Variants in CA13 observed in about 807,000 individuals in gnomAD.
CA13 encodes the protein CA-XIII.
CA13 carries 21 observed loss-of-function variants against 31.5 expected under a neutral mutation model. The observed-to-expected ratio is 0.67, with a 90% CI of 0.47 to 0.96. The LOEUF (loss-of-function observed/expected upper bound fraction) is 0.96, where lower values mean the gene tolerates loss of function less well. CA13 is among the 40% of genes least tolerant of loss of function. CA13 has a pLI of 0.00. For synonymous variants in CA13, 117 were observed against 111.4 expected (o/e 1.05, Z -0.32); for missense variants, 315 against 318.9 (o/e 0.99, Z 0.09).
chr8:85,276,965 A>G (rs1173459681), intron 6 of CA13, among the ~76,000 whole-genome samples: 2 of 152,200 alleles, frequency 1.3e-5, no homozygotes, highest in Non-Finnish European at 2.9e-5. Flanking sequence ...GACACTCTGT[A>G]TCTAGCTAAT....
At chr8:85,277,933 C>G (rs1162638997) in intron 6 of CA13, among the ~76,000 whole-genome samples, 1 of 152,074 alleles carries the variant, frequency 6.6e-6, no homozygotes, top group Non-Finnish European at 1.5e-5. Flanking sequence ...TGGCCTTGCA[C>G]CTTGGGACTG....
intron 6 of CA13, among the ~76,000 whole-genome samples, chr8:85,276,723 A>G (rs944887321): frequency 7.2e-5 from 11 of 151,780 alleles, no homozygotes; most frequent in Non-Finnish European, 1.5e-4. Context: ...AGCACTCTGT[A>G]TCTAGCTCAA....
At chr8:85,279,521 A>C (rs1404223934) in intron 6 of CA13, among the ~76,000 whole-genome samples, 1 of 152,240 alleles carries the variant, frequency 6.6e-6, no homozygotes. Flanking sequence ...TGGTCGGAGA[A>C]AGAGCTGAAG....
At position 85,283,757 on chromosome 8, in the gene CA13, T is replaced by C. The variant is rs1807741188; in HGVS notation, c.*2408T>C. ...TCTAATTACTGTCTGTGAGAGTTACTACTTTGTAACTTATGGTTTCTGCTT... is the reference window on the plus strand; with the variant it reads ...TCTAATTACTGTCTGTGAGAGTTACCACTTTGTAACTTATGGTTTCTGCTT... On this transcript the variant is annotated 3_prime_UTR_variant, in exon 7 of 7. Transcript: ENST00000321764. The C allele has an allele frequency of 1.3e-5, 2 of 152,636 alleles. No homozygotes were observed. Among genetic ancestry groups the C allele is most frequent in the Non-Finnish European group, 2.9e-5 (2 of 68,026 alleles). The allele number at this position is 152,636 out of a possible 1,614,324, so 9.5% of individuals were successfully genotyped here.
intron 6 of CA13, among the ~76,000 whole-genome samples, chr8:85,271,495 A>G (rs1315343041): frequency 6.6e-6 from 1 of 152,190 alleles, no homozygotes; most frequent in Non-Finnish European, 1.5e-5. Context: ...GTGAGCAGAT[A>G]AATGTACTAT....
intron 4 of CA13, 59 bp downstream of exon 4, chr8:85,266,762 C>A: frequency 7.7e-7 from 1 of 1,297,826 alleles, no homozygotes; most frequent in South Asian, 1.2e-5. Flanking sequence ...GAGCTTCAGT[C>A]ACGAAGTAGA....
intron 3 of CA13, among the ~76,000 whole-genome samples, chr8:85,263,296 G>C (rs546969648): frequency 6.6e-6 from 1 of 152,298 alleles, no homozygotes; most frequent in African/African-American, 2.4e-5. Context: ...GCAGTCTGAA[G>C]TTTATCTGTA....
At chr8:85,255,500 T>C (rs1807277594) in intron 2 of CA13, among the ~76,000 whole-genome samples, 1 of 151,986 alleles carries the variant, frequency 6.6e-6, no homozygotes, top group South Asian at 2.1e-4. Flanking sequence ...CTGGCATTTT[T>C]AGTAGAGACA....
At chr8:85,248,780 A>G (rs1813774788) in intron 1 of CA13, among the ~76,000 whole-genome samples, 1 of 152,240 alleles carries the variant, frequency 6.6e-6, no homozygotes, top group Non-Finnish European at 1.5e-5. Context: ...GACTGGAAAT[A>G]GGAGAGCAAA....
intron 1 of CA13, among the ~76,000 whole-genome samples, chr8:85,249,457 T>G (rs1250403940): frequency 1.3e-4 from 19 of 148,548 alleles, no homozygotes; most frequent in Non-Finnish European, 2.5e-4. Context: ...ATTACACCTC[T>G]GCATTCCAGC....
chr8:85,274,887 G>A (rs1807580298), intron 6 of CA13, among the ~76,000 whole-genome samples: 2 of 152,262 alleles, frequency 1.3e-5, no homozygotes, highest in African/African-American at 2.4e-5. Context: ...TTTTTCTCTG[G>A]TTAGGTTATC....
In CA13 at chr8:85,283,957, A is replaced by G. The variant is rs532303947; in HGVS notation, c.*2608A>G. ...TTTTAAACAAATTAAAGAGTTGTAA[A>G]TACTAGTGTAGATCTCTTTTGTTTA... On this transcript the variant is annotated 3_prime_UTR_variant, in exon 7 of 7. Transcript: ENST00000321764. The G allele has an allele frequency of 9.9e-5, 15 of 152,260 alleles. No homozygotes were observed. In the East Asian group the frequency reaches 2.9e-3, roughly 29 times the overall value. The allele number at this position is 152,260 out of a possible 1,614,324, so 9.4% of individuals were successfully genotyped here.
At chr8:85,249,023 T>G (rs1813780192) in intron 1 of CA13, among the ~76,000 whole-genome samples, 1 of 152,234 alleles carries the variant, frequency 6.6e-6, no homozygotes, top group South Asian at 2.1e-4. Context: ...TGTAATACAT[T>G]CTAAGCAAGG....
intron 6 of CA13, among the ~76,000 whole-genome samples, chr8:85,278,069 T>A (rs1280395094): frequency 1.3e-5 from 2 of 151,506 alleles, no homozygotes; most frequent in Non-Finnish European, 2.9e-5. Flanking sequence ...AAGACCAGTC[T>A]GGCCAACATA....
rs1807720039 is a variant in CA13 at position 85,282,278 on chromosome 8, G to A, written c.*929G>A. The A allele has an allele frequency of 6.6e-6, 1 of 152,578 alleles. No individual in the cohort carries two copies. Among genetic ancestry groups the A allele is most frequent in the Admixed American group, 6.5e-5 (1 of 15,274 alleles). The allele number at this position is 152,578 out of a possible 1,614,324, so 9.5% of individuals were successfully genotyped here. A position where few individuals can be genotyped will look rare whatever the true frequency, so the allele number is the denominator to read the frequency against. On this transcript the variant is annotated 3_prime_UTR_variant, in exon 7 of 7. Coordinates refer to ENST00000321764, the MANE Select transcript of CA13 (RefSeq NM_198584.3). ...ATCAAAAATATTCCATATAGTCTTG[G>A]TGAGGAATTCCCCAGGATATAAATG...
At chr8:85,253,885 T>G (rs558806852) in intron 2 of CA13, among the ~76,000 whole-genome samples, 4 of 152,300 alleles carry the variant, frequency 2.6e-5, no homozygotes, top group African/African-American at 7.2e-5. Flanking sequence ...CCAAGTCTTC[T>G]AAATACAAAG....
rs1020705324 is a variant in CA13 at position 85,245,755 on chromosome 8, C to G, written c.-74C>G. The G allele has an allele frequency of 3.2e-6, 5 of 1,564,640 alleles. No individual in the cohort carries two copies. The highest frequency in any genetic ancestry group is 1.7e-5 in the Admixed American group (1 of 59,812). On this transcript the variant is annotated 5_prime_UTR_variant, in exon 1 of 7. Coordinates refer to ENST00000321764, the MANE Select transcript of CA13 (RefSeq NM_198584.3). Reference sequence around the variant, plus strand: ...CGGTCCCGCCCTAGCAGGCTCCTTCCCGGGCCCCTCCCCGCTCCCTCCTCT... The same window carrying G: ...CGGTCCCGCCCTAGCAGGCTCCTTCGCGGGCCCCTCCCCGCTCCCTCCTCT...
At chr8:85,248,839 C>T (rs1813775584) in intron 1 of CA13, among the ~76,000 whole-genome samples, 1 of 152,130 alleles carries the variant, frequency 6.6e-6, no homozygotes, top group South Asian at 2.1e-4. Context: ...ATGTCACCTG[C>T]ATATTGTAAC....
At chr8:85,256,839 G>A (rs1210015324) in intron 2 of CA13, among the ~76,000 whole-genome samples, 1 of 152,186 alleles carries the variant, frequency 6.6e-6, no homozygotes, top group Non-Finnish European at 1.5e-5. Flanking sequence ...GAGTAGCTTG[G>A]TGTGTATATG....
Sources: gnomAD v4.1 joint callset for allele counts (sites outside exome capture counted in the v4.1 genomes callset) on GRCh38, gnomAD v4.1.1 for gene constraint, MANE v1.5 for transcripts, NCBI Gene and HGNC (gene_info 2026-07-23, HGNC 2026-07-21) for gene names.